RGS7: variants seen among roughly 807,000 people sequenced by gnomAD.
RGS7 encodes the protein regulator of G protein signaling 7, also known as regulator of G-protein signaling 7.
In RGS7, 27 loss-of-function variants were observed where a neutral mutation model predicts 81.1. The observed-to-expected ratio is 0.33, with a 90% CI of 0.25 to 0.46. The LOEUF is 0.46. Among genes scored for constraint, RGS7 ranks in the 20% least tolerant of loss-of-function variants. The pLI is 1.00. For synonymous variants in RGS7, 208 were observed against 207.7 expected (o/e 1.00, Z -0.01); for missense variants, 396 against 607.4 (o/e 0.65, Z 3.66).
chr1:240,840,925 T>G (rs984539560), intron 9 of RGS7, among the ~76,000 whole-genome samples: 1 of 151,700 alleles, frequency 6.6e-6, no homozygotes, highest in African/African-American at 2.4e-5. Context: ...AGTTTTATTT[T>G]CTGTTTGCTT....
intron 3 of RGS7, among the ~76,000 whole-genome samples, chr1:241,041,911 G>T (rs2148770370): frequency 6.6e-6 from 1 of 152,164 alleles, no homozygotes; most frequent in African/African-American, 2.4e-5. Context: ...ATTTGTTGTT[G>T]TGTCCCTGGA....
chr1:240,789,959 A>T (rs1426335108), intron 18 of RGS7, among the ~76,000 whole-genome samples: 1 of 152,168 alleles, frequency 6.6e-6, no homozygotes, highest in Non-Finnish European at 1.5e-5. Flanking sequence ...GAACCTGCCG[A>T]CATGTGATAT....
At chr1:240,830,429 T>C (rs1384204830) in intron 9 of RGS7, among the ~76,000 whole-genome samples, 1 of 152,214 alleles carries the variant, frequency 6.6e-6, no homozygotes, top group Non-Finnish European at 1.5e-5. Flanking sequence ...ATCTGGAAGA[T>C]GTTCTGGGGG....
At chr1:241,026,288 C>T (rs1432930311) in intron 3 of RGS7, among the ~76,000 whole-genome samples, 1 of 152,122 alleles carries the variant, frequency 6.6e-6, no homozygotes, top group Non-Finnish European at 1.5e-5. Context: ...TTAATTTATT[C>T]TGCTATTAAT....
chr1:241,179,703 A>G (rs1415552825), intron 2 of RGS7, among the ~76,000 whole-genome samples: 3 of 152,216 alleles, frequency 2.0e-5, no homozygotes, highest in African/African-American at 4.8e-5. Flanking sequence ...CAGTCTAAAA[A>G]GCCTATTAGT....
intron 3 of RGS7, among the ~76,000 whole-genome samples, chr1:241,090,255 G>A (rs1245434425): frequency 1.3e-5 from 2 of 152,054 alleles, no homozygotes; most frequent in Non-Finnish European, 2.9e-5. Flanking sequence ...AAGCATACAT[G>A]GTCCAAGCTA....
At chr1:241,049,623 T>A (rs12088961) in intron 3 of RGS7, among the ~76,000 whole-genome samples, 1 of 152,080 alleles carries the variant, frequency 6.6e-6, no homozygotes, top group African/African-American at 2.4e-5. Flanking sequence ...AGCTTGACCA[T>A]AAAGAAGATG....
At chr1:241,180,790 G>A (rs749277524) in intron 2 of RGS7, among the ~76,000 whole-genome samples, 6 of 152,172 alleles carry the variant, frequency 3.9e-5, no homozygotes, top group South Asian at 4.1e-4. Context: ...GGACAGCAGC[G>A]CACGGGAGTC....
At chr1:240,947,901 C>T (rs146497459) in intron 4 of RGS7, among the ~76,000 whole-genome samples, 27 of 152,302 alleles carry the variant, frequency 1.8e-4, no homozygotes, top group Non-Finnish European at 3.4e-4. Context: ...ACATATCCTC[C>T]TCTAGTTCAC....
intron 2 of RGS7, among the ~76,000 whole-genome samples, chr1:241,245,395 G>A (rs2076471429): frequency 6.6e-6 from 1 of 151,360 alleles, no homozygotes; most frequent in Non-Finnish European, 1.5e-5. Flanking sequence ...CTTCCCCTTC[G>A]CCTTCCACCA....
At chr1:240,866,019 G>A (rs1433031015) in intron 9 of RGS7, among the ~76,000 whole-genome samples, 1 of 152,176 alleles carries the variant, frequency 6.6e-6, no homozygotes, top group Non-Finnish European at 1.5e-5. Flanking sequence ...ACAGCCTTTG[G>A]ACAAGTGTCA....
At chr1:241,206,993 G>C (rs1243643373) in intron 2 of RGS7, among the ~76,000 whole-genome samples, 7 of 102,402 alleles carry the variant, frequency 6.8e-5, no homozygotes, top group Non-Finnish European at 1.1e-4. Flanking sequence ...TTTTGAGATG[G>C]AGTCTCGCTC....
intron 2 of RGS7, among the ~76,000 whole-genome samples, chr1:241,121,982 G>A (rs2066301869): frequency 6.6e-6 from 1 of 152,112 alleles, no homozygotes; most frequent in Non-Finnish European, 1.5e-5. Flanking sequence ...GGGATTACAG[G>A]CATGAGCCAC....
At chr1:241,233,709 A>T (rs1194253034) in intron 2 of RGS7, among the ~76,000 whole-genome samples, 1 of 152,044 alleles carries the variant, frequency 6.6e-6, no homozygotes, top group Non-Finnish European at 1.5e-5. Context: ...GTGAGTGAGG[A>T]TATCGCTTCA....
chr1:240,936,757 C>A (rs967023349), intron 4 of RGS7, 51 bp from the exon 5 acceptor site: 7 of 1,351,026 alleles, frequency 5.2e-6, no homozygotes, highest in Non-Finnish European at 6.4e-6. Context: ...TAAATGTATT[C>A]TTTTATAGGA....
intron 2 of RGS7, among the ~76,000 whole-genome samples, chr1:241,251,049 C>G (rs1322805470): frequency 1.3e-5 from 2 of 152,234 alleles, no homozygotes; most frequent in Admixed American, 6.5e-5. Flanking sequence ...TCAAAGCCAT[C>G]TTTCACGGCA....
At chr1:240,920,851 G>A (rs1162325431) in intron 6 of RGS7, among the ~76,000 whole-genome samples, 1 of 152,044 alleles carries the variant, frequency 6.6e-6, no homozygotes. Context: ...AGCATTCCAA[G>A]CATTCCAACA....
At chr1:241,282,876 A>T (rs2078599681) in intron 2 of RGS7, among the ~76,000 whole-genome samples, 1 of 152,144 alleles carries the variant, frequency 6.6e-6, no homozygotes, top group Non-Finnish European at 1.5e-5. Context: ...TCCTTTAACT[A>T]ATATGTGTAT....
At chr1:240,932,778 G>C (rs1675735588) in intron 5 of RGS7, among the ~76,000 whole-genome samples, 1 of 150,654 alleles carries the variant, frequency 6.6e-6, no homozygotes. Context: ...AAAGTGCTGG[G>C]ATTACAGGTG....
Sources: gnomAD v4.1 joint callset for allele counts (sites outside exome capture counted in the v4.1 genomes callset) on GRCh38, gnomAD v4.1.1 for gene constraint, MANE v1.5 for transcripts, NCBI Gene and HGNC (gene_info 2026-07-23, HGNC 2026-07-21) for gene names.